Variants in TRIM5 observed in about 807,000 individuals in gnomAD.
The protein encoded by TRIM5 is tripartite motif containing 5, also known as tripartite motif-containing protein 5.
A neutral mutation model predicts 35.6 loss-of-function variants in TRIM5; 31 were observed. The observed-to-expected ratio is 0.87, with a 90% confidence interval of 0.65 to 1.18. The LOEUF is 1.18. Ranked by LOEUF, TRIM5 falls within the 50% of genes most tolerant of loss-of-function variation. The probability of loss-of-function intolerance (pLI) is 0.00; values close to 1 mark genes in which losing one functional copy is unlikely to be tolerated. For missense variants in TRIM5, 609 were observed against 591.6 expected (o/e 1.03, Z -0.31); for synonymous variants, 243 against 215.6 (o/e 1.13, Z -1.11).
At chr11:5,618,338 C>A in the TRIM5 span, among the ~76,000 whole-genome samples, 62,634 of 151,850 alleles carry the variant, frequency 0.41, 13,432 homozygotes, top group East Asian at 0.75. Flanking sequence ...CCACTGCACT[C>A]CAGCCTGGGC....
At chr11:5,591,438 C>A in the TRIM5 span, among the ~76,000 whole-genome samples, 1 of 152,156 alleles carries the variant, frequency 6.6e-6, no homozygotes, top group East Asian at 1.9e-4. Context: ...CACCTGAGGT[C>A]AAGAGTTGGA....
At chr11:5,660,378 A>C (rs1400558162), downstream of TRIM5, among the ~76,000 whole-genome samples, 2 of 152,158 alleles carry the variant, frequency 1.3e-5, no homozygotes, top group Non-Finnish European at 2.9e-5. Flanking sequence ...AGCCACAGAA[A>C]CAGGAAACTC....
At chr11:5,674,561 G>A (rs1290425758) in intron 4 of TRIM5, among the ~76,000 whole-genome samples, 3 of 152,218 alleles carry the variant, frequency 2.0e-5, no homozygotes, top group African/African-American at 7.2e-5. Flanking sequence ...AACCCAGCCT[G>A]GCAGGTCTGA....
the TRIM5 span, chr11:5,596,955 C>G: frequency 6.2e-7 from 1 of 1,613,970 alleles, no homozygotes. Context: ...ATTGTCACTT[C>G]TGGCAGAGGT....
intron 4 of TRIM5, among the ~76,000 whole-genome samples, chr11:5,672,435 T>G (rs549142217): frequency 2.0e-5 from 3 of 152,232 alleles, no homozygotes; most frequent in African/African-American, 7.2e-5. Context: ...GGTCTTGAAC[T>G]CCTGATCTCA....
At chr11:5,593,915 G>T in the TRIM5 span, among the ~76,000 whole-genome samples, 3 of 152,066 alleles carry the variant, frequency 2.0e-5, no homozygotes, top group African/African-American at 7.2e-5. Context: ...CCACATACTT[G>T]GTTCCCTTTT....
chr11:5,623,527 C>A, the TRIM5 span, among the ~76,000 whole-genome samples: 19 of 128,642 alleles, frequency 1.5e-4, no homozygotes, highest in South Asian at 5.1e-3. Flanking sequence ...GCCACCATGC[C>A]CGGCTAATTT....
the TRIM5 span, chr11:5,642,434 A>C: frequency 6.2e-7 from 1 of 1,613,662 alleles, no homozygotes; most frequent in Non-Finnish European, 8.5e-7. Context: ...GAAAAAGCCA[A>C]AAATGGTTTC....
chr11:5,679,474 T>C (rs905729872), intron 2 of TRIM5, among the ~76,000 whole-genome samples: 12 of 152,174 alleles, frequency 7.9e-5, no homozygotes, highest in Admixed American at 5.9e-4. Context: ...ACTCTCCTGC[T>C]GAAAGGGGTA....
At chr11:5,588,817 T>G in the TRIM5 span, 2 of 151,744 alleles carry the variant, frequency 1.3e-5, no homozygotes, top group Non-Finnish European at 2.9e-5. Flanking sequence ...GGAGTGTCGC[T>G]TTGTTGCCCA....
At chr11:5,658,160 G>A in the TRIM5 span, among the ~76,000 whole-genome samples, 1 of 152,186 alleles carries the variant, frequency 6.6e-6, no homozygotes, top group African/African-American at 2.4e-5. Context: ...ATAGCAGGAA[G>A]AGACACAAGC....
intron 1 of TRIM5, among the ~76,000 whole-genome samples, chr11:5,682,450 G>C (rs1852557841): frequency 6.6e-6 from 1 of 152,104 alleles, no homozygotes; most frequent in South Asian, 2.1e-4. Context: ...CCCTAGTAGA[G>C]GCAAACAGAT....
At position 5,665,088 on chromosome 11, in the gene TRIM5, A is replaced by C; in HGVS notation, c.1203T>G (p.Val401=). The C allele has an allele frequency of 6.2e-7, 1 of 1,614,158 alleles. No individual in the cohort carries two copies. Residue 401 remains valine (V), a synonymous_variant, in exon 8 of 8, where the codon GTT becomes GTG. Transcript: ENST00000380034. ...ENYQPKYGYW[V]IGLEEGVKCS... ...ATTTAACTCCTTCCTCTAACCCTATAACCCAGTAGCCGTATTTAGGTTGAT... is the reference window on the plus strand; with the variant it reads ...ATTTAACTCCTTCCTCTAACCCTATCACCCAGTAGCCGTATTTAGGTTGAT...
chr11:5,683,249 C>T (rs1316262578), intron 1 of TRIM5, among the ~76,000 whole-genome samples: 4 of 152,236 alleles, frequency 2.6e-5, no homozygotes, highest in Non-Finnish European at 4.4e-5. Flanking sequence ...TGCTCCACGG[C>T]GCCCAGTCCC....
chr11:5,618,075 T>C, the TRIM5 span, among the ~76,000 whole-genome samples: 5 of 152,238 alleles, frequency 3.3e-5, no homozygotes, highest in Non-Finnish European at 7.3e-5. Context: ...TGCTTATTTA[T>C]GTATCATCTG....
chr11:5,680,787 T>A (rs1852379711), intron 1 of TRIM5, among the ~76,000 whole-genome samples: 1 of 152,262 alleles, frequency 6.6e-6, no homozygotes, highest in Non-Finnish European at 1.5e-5. Flanking sequence ...ATGATTGCTC[T>A]TATTATCAGC....
At chr11:5,665,798 C>A in intron 6 of TRIM5, 116 bp from the exon 7 acceptor site, 1 of 1,428,668 alleles carries the variant, frequency 7.0e-7, no homozygotes. Context: ...CAGTAAATTG[C>A]TGAATGATGA....
chr11:5,627,279 C>A, the TRIM5 span, among the ~76,000 whole-genome samples: 7,761 of 152,026 alleles, frequency 0.051, 586 homozygotes, highest in African/African-American at 0.17. Flanking sequence ...ACTCGGGAGG[C>A]TGAGGCAAGA....
chr11:5,595,429 C>T, the TRIM5 span: 3 of 152,146 alleles, frequency 2.0e-5, no homozygotes, highest in Admixed American at 6.5e-5. Context: ...TACATACATA[C>T]GTGTAATTTT....
Sources: gnomAD v4.1 joint callset for allele counts (sites outside exome capture counted in the v4.1 genomes callset) on GRCh38, gnomAD v4.1.1 for gene constraint, MANE v1.5 for transcripts, NCBI Gene and HGNC (gene_info 2026-07-23, HGNC 2026-07-21) for gene names.